LPCAT1: variants seen among roughly 807,000 people sequenced by gnomAD.
LPCAT1 encodes lysophosphatidylcholine acyltransferase 1, also known as 1-acylglycerol-3-phosphate O-acyltransferase.
In LPCAT1, 23 loss-of-function variants were observed where a neutral mutation model predicts 60.9. The ratio of observed to expected loss-of-function variants is 0.38; its 90% CI spans 0.27 to 0.53. LPCAT1 has a LOEUF of 0.53. Among genes scored for constraint, LPCAT1 ranks in the 20% least tolerant of loss-of-function variants. The probability of loss-of-function intolerance (pLI) is 0.82; values close to 1 mark genes in which losing one functional copy is unlikely to be tolerated. For missense variants in LPCAT1, 622 were observed against 723.6 expected, an observed-to-expected ratio of 0.86 and a Z score of 1.61; for synonymous variants, 340 against 301.1, an observed-to-expected ratio of 1.13 and a Z score of -1.34.
Position 1,483,051 on chromosome 5 carries a change from T to G in LPCAT1, c.726+377A>C, listed in dbSNP as rs1157308920. 1.3e-5 allele frequency among the ~76,000 whole-genome samples: 2 copies of G among 152,098 alleles called. No individual in the cohort carries two copies. Among genetic ancestry groups the G allele is most frequent in the South Asian group, 2.1e-4 (1 of 4,832 alleles). On this transcript the variant is annotated intron_variant, in intron 6 of 13. Coordinates refer to ENST00000283415, the MANE Select transcript of LPCAT1 (RefSeq NM_024830.5). The surrounding 1 kb of genome is among the most constrained non-coding windows in gnomAD (Gnocchi z 9.2). ...GCATGAACTGGGTACTGAAAGCTGC[T>G]GGGGGCCCTGGCCGGTGATGTGGGG...
rs1734799018 is a variant in LPCAT1, at chr5:1,474,046, C to T, written c.1090G>A (p.Gly364Arg). 1.2e-6 allele frequency: 2 copies of T among 1,614,186 alleles called. No individual in the cohort carries two copies. The highest frequency in any genetic ancestry group is 4.5e-5 in the East Asian group (2 of 44,888). Residue 364 changes from glycine to arginine, a missense_variant, in exon 11 of 14, where the codon GGA becomes AGA. Transcript: ENST00000283415. ...AACTCCGCAATACCTATCTTCTCTC[C>T]TCCCTTCATCCTGGCTCTTTCTGAG... ...RYSERARMKG[G>R]EKIGIAEFAA...
intron 13 of LPCAT1, among the ~76,000 whole-genome samples, chr5:1,464,983 A>C (rs1242739883): frequency 6.6e-6 from 1 of 150,442 alleles, no homozygotes; most frequent in Non-Finnish European, 1.5e-5. Flanking sequence ...CACATACAAA[A>C]CAAGTGCAGG....
rs972617527 is a variant in LPCAT1, at chr5:1,463,315, G to A, written c.*336C>T. 2 of 267,858 alleles carry A rather than the reference G, an allele frequency of 7.5e-6. No homozygotes were observed. Among genetic ancestry groups the A allele is most frequent in the Non-Finnish European group, 1.4e-5 (2 of 141,058 alleles). 16.6% of individuals were successfully genotyped at this position (267,858 alleles called of 1,614,324 possible). On this transcript the variant is annotated 3_prime_UTR_variant, in exon 14 of 14. Coordinates refer to ENST00000283415, the MANE Select transcript of LPCAT1 (RefSeq NM_024830.5). ...GCCCGCCCGGTGCACGCTGCCGCCG[G>A]AAGAGGCTGTGACAGAGACTCGAAA...
In LPCAT1 at chr5:1,480,098, G is replaced by A. The variant is rs552465379; in HGVS notation, c.762-423C>T. 3.4e-4 allele frequency among the ~76,000 whole-genome samples: 51 copies of A among 151,922 alleles called. No individual in the cohort carries two copies. The highest frequency in any genetic ancestry group is 4.7e-4 in the Non-Finnish European group (32 of 67,956). The stretch of plus-strand genomic sequence containing the variant: ...TCACCATGCCTTTGCCGCAGGAGTT[G>A]ACATGGGAGACATTTGGAGCTGCTC... On this transcript the variant is annotated intron_variant, in intron 7 of 13. Coordinates refer to ENST00000283415, the MANE Select transcript of LPCAT1 (RefSeq NM_024830.5). The surrounding 1 kb of genome is among the most constrained non-coding windows in gnomAD (Gnocchi z 6.4).
In LPCAT1 at chr5:1,463,364, G is replaced by A. The variant is rs1411269613; in HGVS notation, c.*287C>T. Reference sequence around the variant, plus strand: ...AACCAGGGCCCCGTGGGAGAACACGGGGCGGCACCGGTGCCCCCCGCCCGG... The same window carrying A: ...AACCAGGGCCCCGTGGGAGAACACGAGGCGGCACCGGTGCCCCCCGCCCGG... On this transcript the variant is annotated 3_prime_UTR_variant, in exon 14 of 14. Transcript: ENST00000283415. The A allele has an allele frequency of 4.8e-6, 2 of 416,198 alleles. No homozygotes were observed. Among genetic ancestry groups the A allele is most frequent in the African/African-American group, 2.0e-5 (1 of 49,172 alleles). The allele number at this position is 416,198 out of a possible 1,614,324, so 25.8% of individuals were successfully genotyped here. A position where few individuals can be genotyped will look rare whatever the true frequency, so the allele number is the denominator to read the frequency against.
Position 1,481,904 on chromosome 5 carries a change from A to C in LPCAT1, c.727-928T>G, listed in dbSNP as rs927018126. Among the ~76,000 whole-genome samples, 1 of 152,250 alleles carries C rather than the reference A, an allele frequency of 6.6e-6. No individual in the cohort carries two copies. The highest frequency in any genetic ancestry group is 1.5e-5 in the Non-Finnish European group (1 of 68,030). ...CCGGGCAAAGTGAAGCCCGGCAGGC[A>C]TCGGACGGGACAGGCCCTGAGGCGG... On this transcript the variant is annotated intron_variant, in intron 6 of 13. Transcript: ENST00000283415. The surrounding 1 kb of genome is among the most constrained non-coding windows in gnomAD (Gnocchi z 7.8).
rs1199811651 is a variant in LPCAT1, at chr5:1,487,855, T to C, written c.667+536A>G. On this transcript the variant is annotated intron_variant, in intron 5 of 13. Coordinates refer to ENST00000283415, the MANE Select transcript of LPCAT1 (RefSeq NM_024830.5). This position sits in a 1 kb window ranked among gnomAD's most constrained non-coding sequence, Gnocchi z 6.1. ...TCTGCTGCCTGCTCACTGCCACACTTCCCACGTCAGGGGTGCAGACACAAT... is the reference window on the plus strand; with the variant it reads ...TCTGCTGCCTGCTCACTGCCACACTCCCCACGTCAGGGGTGCAGACACAAT... Among the ~76,000 whole-genome samples the C allele has an allele frequency of 6.6e-6, 1 of 152,042 alleles. No homozygotes were observed. The highest frequency in any genetic ancestry group is 1.5e-5 in the Non-Finnish European group (1 of 68,012).
chr5:1,478,411 C>A (rs981400856), intron 8 of LPCAT1, among the ~76,000 whole-genome samples: 2 of 152,294 alleles, frequency 1.3e-5, no homozygotes, highest in Non-Finnish European at 2.9e-5. Context: ...AAGGACAGAG[C>A]AGTTTTGCAC....
rs1735155804 is a variant in LPCAT1, at chr5:1,481,849, A to G, written c.727-873T>C. On this transcript the variant is annotated intron_variant, in intron 6 of 13. Coordinates refer to ENST00000283415, the MANE Select transcript of LPCAT1 (RefSeq NM_024830.5). The surrounding 1 kb of genome is among the most constrained non-coding windows in gnomAD (Gnocchi z 7.8). ...TTCAGTCGTGTGACTACCGGCCCTG[A>G]CTCCATTTTATTACCTGACCGTCAG... Among the ~76,000 whole-genome samples, 1 of 152,032 alleles carries G rather than the reference A, an allele frequency of 6.6e-6. No individual in the cohort carries two copies. Among genetic ancestry groups the G allele is most frequent in the African/African-American group, 2.4e-5 (1 of 41,384 alleles).
intron 12 of LPCAT1, among the ~76,000 whole-genome samples, chr5:1,470,526 G>A (rs1209483698): frequency 2.0e-5 from 3 of 152,184 alleles, no homozygotes; most frequent in African/African-American, 7.2e-5. Context: ...CCTGTGTTAG[G>A]TGCCCTGTAG....
Position 1,501,579 on chromosome 5 carries a change from A to T in LPCAT1, c.160T>A (p.Phe54Ile), listed in dbSNP as rs1462088213. 1 of 1,613,908 alleles carries T rather than the reference A, an allele frequency of 6.2e-7. No individual in the cohort carries two copies. The highest frequency in any genetic ancestry group is 1.1e-5 in the South Asian group (1 of 91,080). Residue 54 changes from phenylalanine to isoleucine, a missense_variant, in exon 2 of 14, where the codon TTC becomes ATC. Transcript: ENST00000283415. ...GCGGCAACCAGGAGCCGGACCGGGAAGAGCGTCAGTGTCATGAGGGCCACC... is the reference window on the plus strand; with the variant it reads ...GCGGCAACCAGGAGCCGGACCGGGATGAGCGTCAGTGTCATGAGGGCCACC... ...AQVALMTLTL[F>I]PVRLLVAAAM...
intron 1 of LPCAT1, among the ~76,000 whole-genome samples, chr5:1,504,641 G>C (rs1008028834): frequency 2.2e-4 from 33 of 150,684 alleles, no homozygotes; most frequent in Non-Finnish European, 4.3e-4. Flanking sequence ...TTGGACCCGG[G>C]AGTCAGAGGT....
chr5:1,519,912 G>A (rs188539619), intron 1 of LPCAT1, among the ~76,000 whole-genome samples: 2 of 152,142 alleles, frequency 1.3e-5, no homozygotes, highest in African/African-American at 4.8e-5. Context: ...CCTCCACAGG[G>A]TGTGGCTGCC....
At chr5:1,511,021 C>G (rs1736339986) in intron 1 of LPCAT1, among the ~76,000 whole-genome samples, 1 of 152,208 alleles carries the variant, frequency 6.6e-6, no homozygotes, top group Admixed American at 6.5e-5. Flanking sequence ...GCACACCTTC[C>G]TCCTGCGGGG....
intron 13 of LPCAT1, among the ~76,000 whole-genome samples, chr5:1,465,721 G>A (rs567657869): frequency 4.6e-5 from 7 of 152,058 alleles, no homozygotes; most frequent in African/African-American, 1.7e-4. Context: ...ACACATGCAC[G>A]CTTTCAATAC....
In LPCAT1 at chr5:1,474,581, G is replaced by A. The variant is rs868865729; in HGVS notation, c.1004C>T (p.Ala335Val). The change falls in exon 10 of 14, where the codon GCC (alanine) becomes GTC (valine). Residue 335 changes from alanine (A) to valine (V), a missense_variant. Physicochemically the swap from Ala to Val is moderately conservative, Grantham distance 64. This residue lies in a region of LPCAT1 where 288 missense variants were observed against 283.6 expected (regional missense o/e 1.02). Coordinates refer to ENST00000283415, the MANE Select transcript of LPCAT1 (RefSeq NM_024830.5). ...TCACCCGAGGCCCCGCACGAGCCTG[G>A]CAAATTCTAAAAGGCAAGTGTCAGC... The part of the protein sequence containing the change: ...LPADTCLLEF[A>V]RLVRGLGLKP... 2 of 1,613,984 alleles carry A rather than the reference G, an allele frequency of 1.2e-6. No individual in the cohort carries two copies. Among genetic ancestry groups the A allele is most frequent in the East Asian group, 2.2e-5 (1 of 44,888 alleles).
chr5:1,479,489 G>A, intron 8 of LPCAT1, 132 bp downstream of exon 8: 1 of 715,190 alleles, frequency 1.4e-6, no homozygotes, highest in Non-Finnish European at 2.5e-6. Context: ...GGAGCCCTGA[G>A]AAACGGAAAG....
chr5:1,513,449 G>A (rs1003153827), intron 1 of LPCAT1, among the ~76,000 whole-genome samples: 8 of 152,350 alleles, frequency 5.3e-5, no homozygotes, highest in East Asian at 1.9e-4. Flanking sequence ...GCAGGTGCTC[G>A]CAAGAAGAAT....
Position 1,477,495 on chromosome 5 carries a change from A to G in LPCAT1, c.817-9T>C. The stretch of plus-strand genomic sequence containing the variant: ...CTGTACACAGGAAGGAACTGAGCAC[A>G]CAGAGAAGCTGCGTTAGTATCACAA... On this transcript the variant is annotated splice_polypyrimidine_tract_variant and intron_variant, in intron 8 of 13. Transcript: ENST00000283415. The surrounding 1 kb of genome is among the most constrained non-coding windows in gnomAD (Gnocchi z 6.0). The G allele has an allele frequency of 6.2e-7, 1 of 1,606,444 alleles. No individual in the cohort carries two copies. The highest frequency in any genetic ancestry group is 8.5e-7 in the Non-Finnish European group (1 of 1,174,338).
Sources: gnomAD v4.1 joint callset for allele counts (sites outside exome capture counted in the v4.1 genomes callset) on GRCh38, gnomAD v4.1.1 for gene constraint, gnomAD v4.1.1 regional missense constraint, Gnocchi (gnomAD v3.1) non-coding constraint, MANE v1.5 for transcripts, NCBI Gene and HGNC (gene_info 2026-07-23, HGNC 2026-07-21) for gene names.